The following ATRNL1 variants were observed in gnomAD, a reference collection of about 807,000 sequenced individuals.
The protein encoded by ATRNL1 is attractin-like protein 1.
Under a neutral mutation model 182.7 loss-of-function variants are expected in ATRNL1, and 95 were observed. That is an observed-to-expected ratio of 0.52 (90% CI 0.44 to 0.62). ATRNL1 has a LOEUF of 0.62. Among genes scored for constraint, ATRNL1 ranks in the 20% least tolerant of loss-of-function variants. The pLI is 0.00. For synonymous variants in ATRNL1, 576 were observed against 568.3 expected, an observed-to-expected ratio of 1.01 and a Z score of -0.19; for missense variants, 1,471 against 1,679.5, an observed-to-expected ratio of 0.88 and a Z score of 2.17.
intron 13 of ATRNL1, among the ~76,000 whole-genome samples, chr10:115,270,896 T>C (rs1201590413): frequency 1.3e-5 from 2 of 152,108 alleles, no homozygotes; most frequent in Non-Finnish European, 2.9e-5. Flanking sequence ...CACCTATACA[T>C]ATCTACATAA....
chr10:115,315,714 G>C lies in ATRNL1; in HGVS notation c.3015G>C (p.Glu1005Asp), dbSNP rs1554929439. 9.3e-6 allele frequency: 15 copies of C among 1,613,196 alleles called. No individual in the cohort carries two copies. Among genetic ancestry groups the C allele is most frequent in the Non-Finnish European group, 1.2e-5 (14 of 1,179,696 alleles). ...TNLCPKEKNY[E>D]WSFIQCPACQ... is the part of the protein sequence containing the mutation. ...TTTGCCCCAAAGAAAAGAACTATGA[G>C]TGGTCCTTTATCCAGTGTCCAGGTA... Residue 1005 changes from glutamate (E) to aspartate (D), a missense_variant, in exon 18 of 29, where the codon GAG (glutamate) becomes GAC (aspartate). Coordinates refer to ENST00000355044, the MANE Select transcript of ATRNL1 (RefSeq NM_207303.4).
Position 115,235,558 on chromosome 10 carries a change from A to T in ATRNL1, c.1533-6013A>T, listed in dbSNP as rs950430956. Among the ~76,000 whole-genome samples the T allele has an allele frequency of 2.0e-5, 3 of 152,066 alleles. No homozygotes were observed. The East Asian group carries it at 5.8e-4, about 29-fold the overall frequency. On this transcript the variant is annotated intron_variant, in intron 9 of 28. Transcript: ENST00000355044. The stretch of plus-strand genomic sequence containing the variant: ...AGAGTTCGTCTGTATTATACCATAT[A>T]TCAGTGCTTCATTGTTTTTGTTATG...
intron 1 of ATRNL1, among the ~76,000 whole-genome samples, chr10:115,097,640 A>G (rs1408564185): frequency 6.6e-6 from 1 of 152,168 alleles, no homozygotes; most frequent in African/African-American, 2.4e-5. Context: ...AAATATATGC[A>G]TATTGCCTGG....
At chr10:115,167,672 C>T (rs1241196971) in intron 7 of ATRNL1, among the ~76,000 whole-genome samples, 1 of 152,006 alleles carries the variant, frequency 6.6e-6, no homozygotes, top group Non-Finnish European at 1.5e-5. Context: ...GAACAAACTA[C>T]CACCTGTTTA....
At chr10:115,858,717 A>G (rs146860810) in intron 28 of ATRNL1, among the ~76,000 whole-genome samples, 4 of 152,258 alleles carry the variant, frequency 2.6e-5, no homozygotes, top group Admixed American at 1.3e-4. Context: ...TGTTAAGGGT[A>G]AGTTTGTGAG....
intron 28 of ATRNL1, among the ~76,000 whole-genome samples, chr10:115,935,030 T>G (rs1953514947): frequency 6.6e-6 from 1 of 152,194 alleles, no homozygotes; most frequent in South Asian, 2.1e-4. Flanking sequence ...AGTTCAGAGA[T>G]CATCTCTCTT....
intron 26 of ATRNL1, among the ~76,000 whole-genome samples, chr10:115,580,538 C>G (rs1855007035): frequency 6.6e-6 from 1 of 151,954 alleles, no homozygotes; most frequent in Admixed American, 6.6e-5. Context: ...TAACTTTTGT[C>G]AAATCAATTA....
intron 1 of ATRNL1, among the ~76,000 whole-genome samples, chr10:115,098,374 A>T (rs190094799): frequency 0.025 from 3,717 of 150,984 alleles, 156 homozygotes; most frequent in African/African-American, 0.085. Context: ...TTATACACGT[A>T]ACTGTGAACT....
intron 27 of ATRNL1, among the ~76,000 whole-genome samples, chr10:115,782,008 A>G (rs1429666377): frequency 6.6e-6 from 1 of 152,214 alleles, no homozygotes; most frequent in African/African-American, 2.4e-5. Context: ...ATAATTTAGG[A>G]TATTTGTTCC....
At chr10:115,804,727 G>A (rs2134242799) in intron 27 of ATRNL1, among the ~76,000 whole-genome samples, 1 of 152,252 alleles carries the variant, frequency 6.6e-6, no homozygotes, top group East Asian at 1.9e-4. Flanking sequence ...GACTTTCAGT[G>A]GGTTGTAACA....
intron 27 of ATRNL1, among the ~76,000 whole-genome samples, chr10:115,783,226 CCACACA>C (rs56301408): frequency 0.56 from 83,464 of 149,850 alleles, 23,351 homozygotes; most frequent in East Asian, 0.73. Flanking sequence ...CTATATGATG[CCACACA>C]CACACACACA....
chr10:115,135,953 T>C (rs1250558382), intron 5 of ATRNL1, among the ~76,000 whole-genome samples: 1 of 151,804 alleles, frequency 6.6e-6, no homozygotes, highest in African/African-American at 2.4e-5. Context: ...TGACCTTCCA[T>C]GCTGAAATGA....
intron 18 of ATRNL1, among the ~76,000 whole-genome samples, chr10:115,317,555 G>T (rs1554930090): frequency 6.6e-6 from 1 of 151,890 alleles, no homozygotes; most frequent in African/African-American, 2.4e-5. Context: ...TTTATGTCCT[G>T]TCTTATTTCA....
intron 26 of ATRNL1, among the ~76,000 whole-genome samples, chr10:115,723,839 C>T (rs1179175900): frequency 3.3e-5 from 5 of 152,146 alleles, no homozygotes; most frequent in African/African-American, 1.2e-4. Flanking sequence ...AGGCGTGAGC[C>T]GCTGAGCCTG....
At chr10:115,794,458 G>T (rs933826356) in intron 27 of ATRNL1, among the ~76,000 whole-genome samples, 1 of 152,166 alleles carries the variant, frequency 6.6e-6, no homozygotes, top group Non-Finnish European at 1.5e-5. Flanking sequence ...TATAGCAAAA[G>T]AATCTAGTTT....
At chr10:115,653,056 A>T (rs926068888) in intron 26 of ATRNL1, among the ~76,000 whole-genome samples, 3 of 152,148 alleles carry the variant, frequency 2.0e-5, no homozygotes, top group African/African-American at 7.2e-5. Flanking sequence ...TGTAAACTAA[A>T]TCAATAGGTA....
intron 28 of ATRNL1, among the ~76,000 whole-genome samples, chr10:115,905,406 G>A (rs1228779442): frequency 7.1e-6 from 1 of 140,684 alleles, no homozygotes. Context: ...TTTTTTTTAA[G>A]TTTTGTAGAG....
intron 26 of ATRNL1, among the ~76,000 whole-genome samples, chr10:115,553,430 A>G (rs1201056426): frequency 6.6e-6 from 1 of 151,328 alleles, no homozygotes; most frequent in Non-Finnish European, 1.5e-5. Flanking sequence ...TTTAAGTTTA[A>G]AAATATTTTA....
In ATRNL1 at chr10:115,469,209, C is replaced by T; in HGVS notation, c.3534C>T (p.Ser1178=). The T allele has an allele frequency of 7.3e-7, 1 of 1,378,350 alleles. No individual in the cohort carries two copies. The allele number at this position is 1,378,350 out of a possible 1,614,324, so 85.4% of individuals were successfully genotyped here. The change falls in exon 24 of 29, where the codon TCC becomes TCT. Residue 1178 remains serine, a synonymous_variant. Coordinates refer to ENST00000355044, the MANE Select transcript of ATRNL1 (RefSeq NM_207303.4). ...CTGGGGAAGAGACTTCTATAGTTTCCAAGAATAATATAAAGGAATACAGAG... is the reference window on the plus strand; with the variant it reads ...CTGGGGAAGAGACTTCTATAGTTTCTAAGAATAATATAAAGGAATACAGAG... ...TISGEETSIV[S]KNNIKEYRDS... is the part of the protein sequence containing the mutation.
Sources: allele counts gnomAD v4.1 joint callset (sites outside exome capture counted in the v4.1 genomes callset), GRCh38; gene constraint gnomAD v4.1.1; transcripts MANE v1.5; gene names NCBI Gene and HGNC (gene_info 2026-07-23, HGNC 2026-07-21).